The following LDAH variants were observed in gnomAD, a reference collection of about 807,000 sequenced individuals.
The protein encoded by LDAH is lipid droplet-associated hydrolase.
LDAH carries 26 observed loss-of-function variants against 29.6 expected under a neutral mutation model. The ratio of observed to expected loss-of-function variants is 0.88; its 90% CI spans 0.64 to 1.22. LDAH has a LOEUF of 1.22. Among genes scored for constraint, LDAH ranks in the 50% most tolerant of loss-of-function variants. LDAH has a pLI of 0.00. For missense variants in LDAH, 344 were observed against 387.3 expected, an observed-to-expected ratio of 0.89 and a Z score of 0.94; for synonymous variants, 117 against 133.0, an observed-to-expected ratio of 0.88 and a Z score of 0.83.
chr2:20,815,480 T>C (rs758130673), intron 1 of LDAH, among the ~76,000 whole-genome samples: 2 of 151,850 alleles, frequency 1.3e-5, no homozygotes, highest in Non-Finnish European at 2.9e-5. Flanking sequence ...AGATACATCA[T>C]AAGTCAAGTT....
intron 6 of LDAH, among the ~76,000 whole-genome samples, chr2:20,688,828 C>CTTTTTTTTTTTTTTTTTTTTTTTTTTTTT (rs57543886): frequency 1.8e-5 from 2 of 112,020 alleles, no homozygotes; most frequent in Non-Finnish European, 1.8e-5. Flanking sequence ...TGGAGGTTTC[C>CTTTTTTTTTTTTTTTTTTTTTTTTTTTTT]TTTTTTTTTT....
chr2:20,801,958 ATGTGTGTGTGTG>A (rs201368706), intron 1 of LDAH, among the ~76,000 whole-genome samples: 1 of 138,562 alleles, frequency 7.2e-6, no homozygotes, highest in Non-Finnish European at 1.6e-5. Context: ...GTGTGTGTGT[ATGTGTGTGTGTG>A]TGTGTGTATG....
chr2:20,687,771 T>C (rs1662674282), intron 6 of LDAH, among the ~76,000 whole-genome samples: 2 of 152,250 alleles, frequency 1.3e-5, no homozygotes, highest in South Asian at 4.1e-4. Context: ...GTGATATATA[T>C]GTATATTGCT....
rs148350771 is a variant in LDAH, at chr2:20,740,168, C to T, written c.506G>A (p.Arg169Gln). 18 of 1,613,872 alleles carry T rather than the reference C, an allele frequency of 1.1e-5. No individual in the cohort carries two copies. The highest frequency in any genetic ancestry group is 1.6e-4 in the Middle Eastern group (1 of 6,082). ...RAFLLFPTIE[R>Q]MSESPNGRIA... ...TCTGCCATTGGGTGACTCAGACATT[C>T]GTTCAATTGTTGGAAAGAGCAGAAA... The change falls in exon 5 of 7, where the codon CGA (arginine) becomes CAA (glutamine). Residue 169 changes from arginine (R) to glutamine (Q), a missense_variant. By Grantham distance (43) the Arg-to-Gln change is conservative. Coordinates refer to ENST00000237822, the MANE Select transcript of LDAH (RefSeq NM_021925.4).
intron 6 of LDAH, among the ~76,000 whole-genome samples, chr2:20,695,457 T>C (rs1405053565): frequency 6.6e-6 from 1 of 150,658 alleles, no homozygotes; most frequent in Non-Finnish European, 1.5e-5. Context: ...ACTCTTTCTT[T>C]TTTTTTTTTT....
At chr2:20,744,605 TA>T (rs903753158) in intron 4 of LDAH, among the ~76,000 whole-genome samples, 20 of 152,196 alleles carry the variant, frequency 1.3e-4, no homozygotes, top group African/African-American at 4.6e-4. Flanking sequence ...TTTAGCTAAC[TA>T]ATTTCTCCTG....
intron 6 of LDAH, among the ~76,000 whole-genome samples, chr2:20,694,533 G>A (rs1281953839): frequency 1.3e-5 from 2 of 152,214 alleles, no homozygotes; most frequent in Non-Finnish European, 2.9e-5. Context: ...AGTTTTTCCA[G>A]TTACCTTGTT....
intron 4 of LDAH, among the ~76,000 whole-genome samples, chr2:20,765,734 T>C (rs1668986995): frequency 6.6e-6 from 1 of 152,168 alleles, no homozygotes; most frequent in African/African-American, 2.4e-5. Context: ...CCTACGTAGC[T>C]AGCTTGGGCT....
chr2:20,776,541 C>A (rs536425522), intron 3 of LDAH, among the ~76,000 whole-genome samples: 16 of 152,220 alleles, frequency 1.1e-4, no homozygotes, highest in African/African-American at 3.6e-4. Flanking sequence ...TATTAATCTC[C>A]CAGGTTAAAC....
At chr2:20,701,806 C>T (rs568639667) in intron 5 of LDAH, among the ~76,000 whole-genome samples, 154 bp from the exon 6 acceptor site, 7 of 152,192 alleles carry the variant, frequency 4.6e-5, no homozygotes, top group Non-Finnish European at 1.0e-4. Context: ...GTGAGTCAGG[C>T]AACATGCACA....
intron 5 of LDAH, among the ~76,000 whole-genome samples, chr2:20,702,815 C>T (rs1290926607): frequency 6.6e-6 from 1 of 152,190 alleles, no homozygotes; most frequent in African/African-American, 2.4e-5. Flanking sequence ...CTTCAACCAT[C>T]TGGAATTTTA....
intron 1 of LDAH, among the ~76,000 whole-genome samples, chr2:20,807,523 GAGA>G (rs1303174331): frequency 1.5e-4 from 23 of 152,034 alleles, no homozygotes; most frequent in Admixed American, 3.3e-4. Context: ...TATCAGAAAT[GAGA>G]AGTTGTTTAA....
intron 5 of LDAH, among the ~76,000 whole-genome samples, chr2:20,723,611 A>C (rs1665817144): frequency 6.6e-6 from 1 of 152,006 alleles, no homozygotes; most frequent in Non-Finnish European, 1.5e-5. Flanking sequence ...ATTTTTTTTA[A>C]TAGAACACCA....
At chr2:20,728,801 T>C (rs1458218127) in intron 5 of LDAH, among the ~76,000 whole-genome samples, 1 of 151,094 alleles carries the variant, frequency 6.6e-6, no homozygotes, top group Non-Finnish European at 1.5e-5. Context: ...TTACACACAC[T>C]GGGTAGGTTA....
At chr2:20,788,534 T>A (rs920503695) in intron 3 of LDAH, among the ~76,000 whole-genome samples, 2 of 152,184 alleles carry the variant, frequency 1.3e-5, no homozygotes, top group Admixed American at 1.3e-4. Context: ...TCTAAAAGAA[T>A]CATGCATATA....
At chr2:20,805,910 TTTA>T (rs1362675512) in intron 1 of LDAH, among the ~76,000 whole-genome samples, 1 of 151,914 alleles carries the variant, frequency 6.6e-6, no homozygotes, top group East Asian at 1.9e-4. Flanking sequence ...ATAATATTTA[TTTA>T]TTATAAAGTT....
At chr2:20,689,033 C>T (rs954287341) in intron 6 of LDAH, among the ~76,000 whole-genome samples, 26 of 151,946 alleles carry the variant, frequency 1.7e-4, no homozygotes. Context: ...GTTCCCCTCC[C>T]TGTGTCCATG....
Position 20,774,891 on chromosome 2 carries a change from C to T in LDAH, c.387G>A (p.Lys129=), listed in dbSNP as rs1343189263. 2 of 1,613,676 alleles carry T rather than the reference C, an allele frequency of 1.2e-6. No individual in the cohort carries two copies. Among genetic ancestry groups the T allele is most frequent in the East Asian group, 2.2e-5 (1 of 44,880 alleles). ...KLAFLRTHVP[K]DMKLVLIGHS... is the part of the protein sequence containing the mutation. The stretch of plus-strand genomic sequence containing the variant: ...GGCCAATGAGCACAAGTTTCATGTC[C>T]TTTGGCACATGAGTTCTCAGGAAAG... Residue 129 remains lysine, a synonymous_variant, in exon 4 of 7, where the codon AAG becomes AAA. Transcript: ENST00000237822.
At chr2:20,772,657 G>A (rs962292992) in intron 4 of LDAH, among the ~76,000 whole-genome samples, 1 of 152,218 alleles carries the variant, frequency 6.6e-6, no homozygotes, top group Non-Finnish European at 1.5e-5. Flanking sequence ...GTGATGGGAT[G>A]TCACTTTGTA....
Sources: gnomAD v4.1 joint callset for allele counts (sites outside exome capture counted in the v4.1 genomes callset) on GRCh38, gnomAD v4.1.1 for gene constraint, MANE v1.5 for transcripts, NCBI Gene and HGNC (gene_info 2026-07-23, HGNC 2026-07-21) for gene names.